Variants in TFDP1 observed in about 807,000 individuals in gnomAD.
TFDP1 encodes transcription factor Dp-1.
In TFDP1, 6 loss-of-function variants were observed where a neutral mutation model predicts 48.0. That is an observed-to-expected ratio of 0.13 (90% CI 0.07 to 0.25). TFDP1 has a LOEUF of 0.25. Ranked by LOEUF, TFDP1 falls within the 10% of genes least tolerant of loss-of-function variation. TFDP1 has a pLI of 1.00. For synonymous variants in TFDP1, 201 were observed against 211.6 expected (o/e 0.95, Z 0.44); for missense variants, 335 against 543.0 (o/e 0.62, Z 3.81).
At chr13:113,621,591 T>C (rs1478784371) in intron 3 of TFDP1, among the ~76,000 whole-genome samples, 6 of 152,124 alleles carry the variant, frequency 3.9e-5, no homozygotes, top group Admixed American at 1.3e-4. Context: ...CATACAGAGA[T>C]AGGAGCTGAG....
At chr13:113,624,514 T>TCTCACGTGTCC (rs1594502304) in intron 4 of TFDP1, among the ~76,000 whole-genome samples, 1 of 148,698 alleles carries the variant, frequency 6.7e-6, no homozygotes, top group East Asian at 2.0e-4. Context: ...TCAGGGTGTC[T>TCTCACGTGTCC]CTCACGTGTC....
At chr13:113,630,078 C>T (rs1369582589) in intron 4 of TFDP1, among the ~76,000 whole-genome samples, 3 of 152,166 alleles carry the variant, frequency 2.0e-5, no homozygotes. Flanking sequence ...GCGGGGCCAG[C>T]GCGCTCTCAG....
At chr13:113,611,879 C>G (rs1034233866) in intron 3 of TFDP1, among the ~76,000 whole-genome samples, 3 of 152,336 alleles carry the variant, frequency 2.0e-5, no homozygotes, top group Non-Finnish European at 2.9e-5. Flanking sequence ...TGTCTGCCTG[C>G]AGAGCCTAGT....
At chr13:113,631,937 G>C in intron 5 of TFDP1, 193 bp downstream of exon 5, 1 of 732,618 alleles carries the variant, frequency 1.4e-6, no homozygotes. Flanking sequence ...CCTCGGTCAT[G>C]GAGAAGTCGG....
chr13:113,600,987 C>T (rs1416585153), intron 2 of TFDP1, among the ~76,000 whole-genome samples: 1 of 152,228 alleles, frequency 6.6e-6, no homozygotes, highest in African/African-American at 2.4e-5. Flanking sequence ...AGAGAACCCT[C>T]CTGCTCTTCC....
At chr13:113,587,884 G>A (rs1055355825) in intron 2 of TFDP1, among the ~76,000 whole-genome samples, 6 of 152,196 alleles carry the variant, frequency 3.9e-5, no homozygotes, top group African/African-American at 1.4e-4. Flanking sequence ...TTGAGACGGA[G>A]TTTTGCTTGT....
At chr13:113,601,180 C>A (rs1395657158) in intron 2 of TFDP1, among the ~76,000 whole-genome samples, 1 of 152,160 alleles carries the variant, frequency 6.6e-6, no homozygotes, top group Non-Finnish European at 1.5e-5. Flanking sequence ...CTGGCGGTCA[C>A]CCAGCGTCTC....
intron 3 of TFDP1, among the ~76,000 whole-genome samples, chr13:113,613,472 TTAAC>T (rs2048759255): frequency 6.6e-6 from 1 of 152,268 alleles, no homozygotes; most frequent in African/African-American, 2.4e-5. Flanking sequence ...AGAATTCTGT[TTAAC>T]AAATAGAATG....
rs550429198 is a variant in TFDP1 at position 113,595,810 on chromosome 13, C to T, written c.12+9961C>T. ...TGAAAGTATTAATGGCGGCCGGGTG[C>T]GGTGGCTCACGCCTGTAATCCCAGC... is the stretch of plus-strand genomic sequence containing the variant. On this transcript the variant is annotated intron_variant, in intron 2 of 11. Coordinates refer to ENST00000375370, the MANE Select transcript of TFDP1 (RefSeq NM_007111.5). 1.9e-4 allele frequency among the ~76,000 whole-genome samples: 29 copies of T among 152,346 alleles called. 1 individual carries two copies. The highest frequency in any genetic ancestry group is 3.9e-4 in the East Asian group (2 of 5,184).
At chr13:113,625,420 G>A (rs1309943388) in intron 4 of TFDP1, among the ~76,000 whole-genome samples, 7 of 117,306 alleles carry the variant, frequency 6.0e-5, no homozygotes, top group Non-Finnish European at 5.1e-5. Flanking sequence ...TGTCTCTCAC[G>A]TGTCCTCAGG....
chr13:113,628,066 C>T (rs1391232931), intron 4 of TFDP1, among the ~76,000 whole-genome samples: 2 of 151,990 alleles, frequency 1.3e-5, no homozygotes, highest in Admixed American at 1.3e-4. Context: ...GCTTTAGAGT[C>T]GAAAGACTGT....
At chr13:113,591,202 C>T (rs543704821) in intron 2 of TFDP1, among the ~76,000 whole-genome samples, 4 of 150,326 alleles carry the variant, frequency 2.7e-5, no homozygotes, top group Admixed American at 6.6e-5. Flanking sequence ...ATTAGCTGGG[C>T]GTGGTGGCGG....
chr13:113,601,534 C>T (rs905328281), intron 2 of TFDP1, among the ~76,000 whole-genome samples: 1 of 152,206 alleles, frequency 6.6e-6, no homozygotes, highest in Admixed American at 6.5e-5. Flanking sequence ...GCAGGGCAGC[C>T]CACTTGGGGG....
chr13:113,615,645 A>G (rs1469239462), intron 3 of TFDP1, among the ~76,000 whole-genome samples: 1 of 152,344 alleles, frequency 6.6e-6, no homozygotes, highest in East Asian at 1.9e-4. Context: ...GGCTCACACC[A>G]GAAATCCCGG....
Position 113,623,786 on chromosome 13 carries a change from G to A in TFDP1, c.186+500G>A, listed in dbSNP as rs1430648073. Among the ~76,000 whole-genome samples the A allele has an allele frequency of 2.0e-5, 3 of 152,200 alleles. No homozygotes were observed. The highest frequency in any genetic ancestry group is 7.2e-5 in the African/African-American group (3 of 41,450). ...CTTGGCCACGCACAGGAGAGGGGAA[G>A]GTGGGCATTGGGAAGTGGCGCATCC... is the stretch of plus-strand genomic sequence containing the variant. On this transcript the variant is annotated intron_variant, in intron 4 of 11. Coordinates refer to ENST00000375370, the MANE Select transcript of TFDP1 (RefSeq NM_007111.5). The surrounding 1 kb of genome is among the most constrained non-coding windows in gnomAD (Gnocchi z 5.2).
At chr13:113,621,446 G>A (rs1055749526) in intron 3 of TFDP1, among the ~76,000 whole-genome samples, 5 of 152,214 alleles carry the variant, frequency 3.3e-5, no homozygotes, top group Admixed American at 3.3e-4. Context: ...TATAAAACAA[G>A]AATGGTTATT....
At chr13:113,638,292 A>G (rs1371954543) in intron 11 of TFDP1, among the ~76,000 whole-genome samples, 1 of 151,584 alleles carries the variant, frequency 6.6e-6, no homozygotes, top group Non-Finnish European at 1.5e-5. Flanking sequence ...GTCTGGGCGC[A>G]AGTAGTTTTC....
At chr13:113,635,726 G>A (rs992028058) in intron 8 of TFDP1, among the ~76,000 whole-genome samples, 1 of 152,170 alleles carries the variant, frequency 6.6e-6, no homozygotes, top group African/African-American at 2.4e-5. Flanking sequence ...TGCCGTGGAG[G>A]ACACTTTTAT....
intron 8 of TFDP1, among the ~76,000 whole-genome samples, chr13:113,635,729 A>G (rs1191185111): frequency 6.6e-6 from 1 of 152,094 alleles, no homozygotes; most frequent in Admixed American, 6.5e-5. Context: ...CGTGGAGGAC[A>G]CTTTTATCAG....
Sources: gnomAD v4.1 joint callset for allele counts (sites outside exome capture counted in the v4.1 genomes callset) on GRCh38, gnomAD v4.1.1 for gene constraint, Gnocchi (gnomAD v3.1) non-coding constraint, MANE v1.5 for transcripts, NCBI Gene and HGNC (gene_info 2026-07-23, HGNC 2026-07-21) for gene names.